GABRR3: variants seen among roughly 807,000 people sequenced by gnomAD.
GABRR3 encodes the protein gamma-aminobutyric acid type A receptor subunit rho3.
Under a neutral mutation model 43.2 loss-of-function variants are expected in GABRR3, and 29 were observed. The ratio of observed to expected loss-of-function variants is 0.67; its 90% CI spans 0.50 to 0.92. The LOEUF (loss-of-function observed/expected upper bound fraction) is 0.92. GABRR3 is among the 40% of genes least tolerant of loss of function. The pLI is 0.00. For missense variants in GABRR3, 576 were observed against 572.3 expected (o/e 1.01, Z -0.07); for synonymous variants, 206 against 195.9 (o/e 1.05, Z -0.43).
At chr3:98,030,882 G>A (rs1707078825) in intron 2 of GABRR3, among the ~76,000 whole-genome samples, 1 of 152,178 alleles carries the variant, frequency 6.6e-6, no homozygotes, top group African/African-American at 2.4e-5. Context: ...AAGCAAAAAT[G>A]TTCTATTAGG....
At chr3:98,002,160 AAC>A (rs1559775709) in intron 7 of GABRR3, among the ~76,000 whole-genome samples, 1 of 152,172 alleles carries the variant, frequency 6.6e-6, no homozygotes, top group Non-Finnish European at 1.5e-5. Flanking sequence ...AAATGAAAAA[AAC>A]ATTTAACTGA....
chr3:98,017,343 G>C (rs1379518451), intron 4 of GABRR3, among the ~76,000 whole-genome samples: 1 of 152,172 alleles, frequency 6.6e-6, no homozygotes, highest in Non-Finnish European at 1.5e-5. Flanking sequence ...ATATAGTATG[G>C]TCATCCTTCT....
intron 8 of GABRR3, among the ~76,000 whole-genome samples, chr3:97,997,178 G>A (rs922518557): frequency 3.3e-5 from 5 of 152,170 alleles, no homozygotes; most frequent in Non-Finnish European, 5.9e-5. Context: ...GTTCAAAGAT[G>A]AGAGAGACCA....
intron 3 of GABRR3, among the ~76,000 whole-genome samples, chr3:98,018,970 C>T (rs374603552): frequency 1.3e-5 from 2 of 151,788 alleles, no homozygotes; most frequent in Admixed American, 1.3e-4. Flanking sequence ...ATTAGCCAGG[C>T]GTGATGGTGT....
intron 3 of GABRR3, 149 bp from the exon 4 acceptor site, chr3:98,017,871 C>A (rs1706890878): frequency 1.7e-6 from 1 of 577,238 alleles, no homozygotes; most frequent in Non-Finnish European, 3.1e-6. Context: ...TTCATTGAAT[C>A]AGTTATTATA....
At chr3:98,021,431 A>T (rs1706946581) in intron 3 of GABRR3, among the ~76,000 whole-genome samples, 1 of 152,180 alleles carries the variant, frequency 6.6e-6, no homozygotes, top group South Asian at 2.1e-4. Context: ...CTGAGTTAGT[A>T]CCAAACTTCT....
Position 98,034,855 on chromosome 3 carries a change from C to T in GABRR3, c.125+8G>A, listed in dbSNP as rs1351640823. 6.2e-7 allele frequency: 1 copy of T among 1,612,688 alleles called. No homozygotes were observed. The highest frequency in any genetic ancestry group is 1.1e-5 in the South Asian group (1 of 91,016). On this transcript the variant is annotated splice_region_variant and intron_variant, in intron 2 of 9. Coordinates refer to ENST00000621172, the Ensembl canonical transcript of GABRR3. ...GTAATTCCATGGACTGCACTATGAGCATCTTACCAGGTTTGTTTCATTGAA... is the reference window on the plus strand; with the variant it reads ...GTAATTCCATGGACTGCACTATGAGTATCTTACCAGGTTTGTTTCATTGAA...
chr3:98,026,646 C>T (rs968219207), intron 2 of GABRR3, among the ~76,000 whole-genome samples: 1 of 152,064 alleles, frequency 6.6e-6, no homozygotes, highest in Non-Finnish European at 1.5e-5. Flanking sequence ...TCATCATCAT[C>T]ATCGTGGGCA....
chr3:98,012,670 C>G, intron 4 of GABRR3, 103 bp from the exon 5 acceptor site: 1 of 733,492 alleles, frequency 1.4e-6, no homozygotes, highest in Admixed American at 2.6e-5. Flanking sequence ...GTGTTAATGA[C>G]TTTTAAGTGA....
At chr3:98,025,463 TAAACTGATGGAC>T in intron 3 of GABRR3, 92 bp downstream of exon 3, 2 of 680,008 alleles carry the variant, frequency 2.9e-6, no homozygotes, top group Non-Finnish European at 4.9e-6. Flanking sequence ...TTTTTTGTTT[TAAACTGATGGAC>T]TTTACTTGCA....
chr3:98,005,989 C>T (rs535973216), intron 7 of GABRR3, among the ~76,000 whole-genome samples: 1 of 151,956 alleles, frequency 6.6e-6, no homozygotes, highest in East Asian at 1.9e-4. Flanking sequence ...TTCACATATA[C>T]CATGCTTCAT....
intron 5 of GABRR3, among the ~76,000 whole-genome samples, chr3:98,010,866 G>A (rs1047412876): frequency 2.6e-5 from 4 of 152,184 alleles, no homozygotes; most frequent in South Asian, 2.1e-4. Context: ...TTGGGGGGCC[G>A]AGGCGGGCAG....
chr3:97,997,686 C>T (rs1483656116), intron 8 of GABRR3: 2 of 152,110 alleles, frequency 1.3e-5, no homozygotes, highest in African/African-American at 4.8e-5. Context: ...TGTGGGCACC[C>T]AGCTTTATAA....
At chr3:98,013,427 T>C (rs1389163145) in intron 4 of GABRR3, among the ~76,000 whole-genome samples, 1 of 152,244 alleles carries the variant, frequency 6.6e-6, no homozygotes, top group Non-Finnish European at 1.5e-5. Flanking sequence ...CTCCCCCAGC[T>C]TCATCCAAAT....
intron 3 of GABRR3, among the ~76,000 whole-genome samples, chr3:98,019,883 A>C (rs1029639508): frequency 1.3e-5 from 2 of 152,210 alleles, no homozygotes; most frequent in African/African-American, 4.8e-5. Flanking sequence ...CAATTTTTAA[A>C]TAGTGTTTAA....
At chr3:98,010,694 C>T (rs924496044) in intron 5 of GABRR3, among the ~76,000 whole-genome samples, 4 of 152,198 alleles carry the variant, frequency 2.6e-5, no homozygotes, top group Non-Finnish European at 5.9e-5. Flanking sequence ...CCTCCCCCCA[C>T]CAAAATTAAT....
chr3:97,991,733 G>A (rs1204844273), intron 9 of GABRR3, among the ~76,000 whole-genome samples: 2 of 152,100 alleles, frequency 1.3e-5, no homozygotes, highest in Non-Finnish European at 2.9e-5. Flanking sequence ...TATACTGGGG[G>A]CTGACAGGAA....
intron 8 of GABRR3, 30 bp from the exon 9 acceptor site, chr3:97,993,078 T>A: frequency 6.6e-7 from 1 of 1,515,648 alleles, no homozygotes; most frequent in Non-Finnish European, 8.9e-7. Flanking sequence ...GCAAGCTCAG[T>A]GATATAGCCA....
intron 3 of GABRR3, among the ~76,000 whole-genome samples, chr3:98,020,990 G>T (rs1576048246): frequency 6.6e-6 from 1 of 151,188 alleles, no homozygotes; most frequent in African/African-American, 2.4e-5. Flanking sequence ...GCCTCCTGAG[G>T]AGCTGGGATT....
Sources: allele counts gnomAD v4.1 joint callset (sites outside exome capture counted in the v4.1 genomes callset), GRCh38; gene constraint gnomAD v4.1.1; transcripts MANE v1.5; gene names NCBI Gene and HGNC (gene_info 2026-07-23, HGNC 2026-07-21).